RPP40: variants seen among roughly 807,000 people sequenced by gnomAD.
RPP40 encodes the protein ribonuclease P protein subunit p40.
Under a neutral mutation model 42.5 loss-of-function variants are expected in RPP40, and 30 were observed. The observed-to-expected ratio is 0.71, with a 90% CI of 0.53 to 0.96. The LOEUF is 0.96. Among genes scored for constraint, RPP40 ranks in the 40% least tolerant of loss-of-function variants. The pLI is 0.00. For missense variants in RPP40, 426 were observed against 433.5 expected (o/e 0.98, Z 0.15); for synonymous variants, 173 against 164.0 (o/e 1.05, Z -0.42).
intron 4 of RPP40, 41 bp from the exon 5 acceptor site, chr6:4,998,882 C>T (rs117147172): frequency 7.0e-5 from 86 of 1,226,938 alleles, no homozygotes; most frequent in Middle Eastern, 2.0e-4. Flanking sequence ...CATTCATATA[C>T]GTACAGCTTC....
chr6:5,002,056 C>A, intron 2 of RPP40, 45 bp downstream of exon 2: 1 of 1,573,084 alleles, frequency 6.4e-7, no homozygotes, highest in Non-Finnish European at 8.7e-7. Context: ...TCTCCCTACC[C>A]TTCCTCATCC....
chr6:5,000,236 G>A (rs781264623), intron 3 of RPP40, among the ~76,000 whole-genome samples: 2 of 151,510 alleles, frequency 1.3e-5, no homozygotes, highest in Non-Finnish European at 2.9e-5. Context: ...CTCCCAGGCT[G>A]GAGCGCAGTG....
chr6:4,993,687 A>G (rs1759292970), downstream of RPP40, among the ~76,000 whole-genome samples: 1 of 152,202 alleles, frequency 6.6e-6, no homozygotes, highest in South Asian at 2.1e-4. Context: ...AAGACTATCC[A>G]GGTGGTGCAA....
chr6:4,999,708 G>C (rs1759492941), intron 4 of RPP40, 101 bp downstream of exon 4: 1 of 694,424 alleles, frequency 1.4e-6, no homozygotes, highest in East Asian at 2.5e-5. Context: ...TTTTTTAAAA[G>C]GCCACATTTT....
chr6:5,001,108 G>C (rs912836459), intron 2 of RPP40: 7 of 456,646 alleles, frequency 1.5e-5, no homozygotes, highest in Admixed American at 4.7e-5. Context: ...GGGGATGCGC[G>C]GAGAGGGGTC....
Position 5,002,220 on chromosome 6 carries a change from C to T in RPP40, c.149G>A (p.Gly50Glu). The change falls in exon 2 of 8, where the codon GGG becomes GAG. Residue 50 changes from glycine (G) to glutamate (E), a missense_variant. Transcript: ENST00000380051. ...GTTTTTCAGTTCTTCCGATAGTATC[C>T]CACATTCAGGAATGAGAAATGAAAC... The part of the protein sequence containing the change: ...YRVSFLIPEC[G>E]ILSEELKNLV... 6.2e-7 allele frequency: 1 copy of T among 1,612,796 alleles called. No homozygotes were observed. Among genetic ancestry groups the T allele is most frequent in the Non-Finnish European group, 8.5e-7 (1 of 1,179,428 alleles).
chr6:4,988,941 T>C, the RPP40 span, among the ~76,000 whole-genome samples: 5 of 152,244 alleles, frequency 3.3e-5, no homozygotes, highest in Admixed American at 6.5e-5. Flanking sequence ...GCCAGTAATA[T>C]ACGGGAGATA....
Position 4,996,407 on chromosome 6 carries a change from C to A in RPP40, c.573G>T (p.Ser191=). The A allele has an allele frequency of 6.2e-7, 1 of 1,612,902 alleles. No individual in the cohort carries two copies. Among genetic ancestry groups the A allele is most frequent in the South Asian group, 1.1e-5 (1 of 90,964 alleles). The change falls in exon 6 of 8, where the codon TCG becomes TCT. Residue 191 remains serine (S), a synonymous_variant. Transcript: ENST00000380051. ...ACTTGGAAAAATATGACATCATTGT[C>A]GATTCTTCTGAACCTTAAAAACACA... ...LAWHKTGSEE[S]TMMSYFSKYQ... is the part of the protein sequence containing the mutation.
intron 5 of RPP40, among the ~76,000 whole-genome samples, chr6:4,997,366 G>A (rs915185333): frequency 2.0e-5 from 3 of 152,216 alleles, no homozygotes; most frequent in African/African-American, 7.2e-5. Context: ...TGAATTCGCT[G>A]TCCCTTGGAG....
chr6:5,003,971 G>C lies in RPP40; in HGVS notation c.32C>G (p.Pro11Arg). MATLRRLREA[P>R]RHLLVCEKSN... is the part of the protein sequence containing the mutation. ...TTTCTCGCAAACCAGTAAGTGCCGC[G>C]GCGCCTCCCGAAGCCGGCGCAGCGT... The change falls in exon 1 of 8, where the codon CCG (proline) becomes CGG (arginine). Residue 11 changes from proline to arginine, a missense_variant. Pro to Arg is a moderately radical substitution (Grantham distance 103). Transcript: ENST00000380051. 6.2e-7 allele frequency: 1 copy of C among 1,612,464 alleles called. No homozygotes were observed.
In RPP40 at chr6:4,999,853, T is replaced by G; in HGVS notation, c.389A>C (p.Gln130Pro). ...GCCAGAAAACTGAGATGGATGACCCTGAAGTCCAGTTTCTTCATAAGTGTC... is the reference window on the plus strand; with the variant it reads ...GCCAGAAAACTGAGATGGATGACCCGGAAGTCCAGTTTCTTCATAAGTGTC... The part of the protein sequence containing the change: ...DKDTYEETGL[Q>P]GHPSQFSGRK... The change falls in exon 4 of 8, where the codon CAG becomes CCG. Residue 130 changes from glutamine to proline, a missense_variant. Physicochemically the swap from Gln to Pro is moderately conservative, Grantham distance 76. Transcript: ENST00000380051. The G allele has an allele frequency of 1.2e-6, 2 of 1,609,850 alleles. No individual in the cohort carries two copies. Among genetic ancestry groups the G allele is most frequent in the Non-Finnish European group, 1.7e-6 (2 of 1,176,454 alleles).
chr6:5,003,735 T>A, intron 1 of RPP40, 145 bp downstream of exon 1: 1 of 1,070,588 alleles, frequency 9.3e-7, no homozygotes, highest in Non-Finnish European at 1.3e-6. Context: ...GTTAAGAGAC[T>A]ACAACTCCCA....
chr6:4,998,506 C>G (rs577426894), intron 5 of RPP40, among the ~76,000 whole-genome samples: 2 of 152,196 alleles, frequency 1.3e-5, no homozygotes, highest in Non-Finnish European at 2.9e-5. Flanking sequence ...CCCAAAGAGA[C>G]GCAGGCAGAA....
Position 5,003,881 on chromosome 6 carries a change from C to A in RPP40, c.122G>T (p.Arg41Met). ...AAAGCCGAGGACAGCCGGACTCACCCTGTAGTTATAGTAGTGCGTCTGCAC... is the reference window on the plus strand; with the variant it reads ...AAAGCCGAGGACAGCCGGACTCACCATGTAGTTATAGTAGTGCGTCTGCAC... ...HLVQTHYYNY[R>M]VSFLIPECGI... The change falls in exon 1 of 8, where the codon AGG becomes ATG. Residue 41 changes from arginine to methionine, a missense_variant and splice_region_variant. By Grantham distance (91) the Arg-to-Met change is moderately conservative. Transcript: ENST00000380051. 1 of 1,612,324 alleles carries A rather than the reference C, an allele frequency of 6.2e-7. No homozygotes were observed. Among genetic ancestry groups the A allele is most frequent in the African/African-American group, 1.3e-5 (1 of 75,006 alleles).
chr6:4,994,876 AAATCAACTATG>A lies in RPP40; in HGVS notation c.*191_*201del. ...ACCCTGTGCTTATGTTGACAGAGAG[AAATCAACTATG>A]AGCTATTCACTGGACAGCAGGCCTT... On this transcript the variant is annotated 3_prime_UTR_variant, in exon 8 of 8. Transcript: ENST00000380051. 1.7e-6 allele frequency: 1 copy of A among 577,792 alleles called. No homozygotes were observed. The highest frequency in any genetic ancestry group is 3.1e-6 in the Non-Finnish European group (1 of 326,828). The allele number at this position is 577,792 out of a possible 1,614,324, so 35.8% of individuals were successfully genotyped here.
chr6:4,993,438 T>C (rs531180568), downstream of RPP40, among the ~76,000 whole-genome samples: 40 of 152,224 alleles, frequency 2.6e-4, no homozygotes, highest in Non-Finnish European at 5.6e-4. Context: ...GCATAAAGCA[T>C]ACTTTATGGA....
At chr6:4,991,913 G>A (rs962679765), downstream of RPP40, among the ~76,000 whole-genome samples, 1 of 151,996 alleles carries the variant, frequency 6.6e-6, no homozygotes. Context: ...AAAGTGTGTG[G>A]TACCTCCCAC....
chr6:4,995,543 A>G (rs567517774), intron 7 of RPP40, among the ~76,000 whole-genome samples: 1 of 152,336 alleles, frequency 6.6e-6, no homozygotes, highest in African/African-American at 2.4e-5. Context: ...AAAGAACCCA[A>G]AACAAAAAAC....
intron 1 of RPP40, among the ~76,000 whole-genome samples, chr6:5,002,738 G>A (rs1759601607): frequency 6.6e-6 from 1 of 152,148 alleles, no homozygotes; most frequent in Non-Finnish European, 1.5e-5. Flanking sequence ...TTTCATTTTC[G>A]AGACAGAAAA....
Sources: allele counts gnomAD v4.1 joint callset (sites outside exome capture counted in the v4.1 genomes callset), GRCh38; gene constraint gnomAD v4.1.1; transcripts MANE v1.5; gene names NCBI Gene and HGNC (gene_info 2026-07-23, HGNC 2026-07-21).